Variants in DNAJC15 observed in about 807,000 individuals in gnomAD.
The protein encoded by DNAJC15 is DnaJ heat shock protein family (Hsp40) member C15.
A neutral mutation model predicts 22.4 loss-of-function variants in DNAJC15; 27 were observed. The observed-to-expected ratio is 1.20, with a 90% confidence interval of 0.89 to 1.66. The LOEUF is 1.66. Among genes scored for constraint, DNAJC15 ranks in the 40% most tolerant of loss-of-function variants. The probability of loss-of-function intolerance (pLI) is 0.00; values close to 1 mark genes in which losing one functional copy is unlikely to be tolerated. For synonymous variants in DNAJC15, 79 were observed against 63.2 expected (o/e 1.25, Z -1.19); for missense variants, 208 against 187.1 (o/e 1.11, Z -0.65).
intron 5 of DNAJC15, among the ~76,000 whole-genome samples, chr13:43,096,179 A>G (rs950254713): frequency 1.3e-5 from 2 of 152,204 alleles, no homozygotes; most frequent in Admixed American, 6.5e-5. Context: ...TAACTGTGGG[A>G]CAGAGATTTG....
chr13:43,060,895 A>T (rs2040555591), intron 1 of DNAJC15, among the ~76,000 whole-genome samples: 1 of 152,194 alleles, frequency 6.6e-6, no homozygotes, highest in Admixed American at 6.5e-5. Flanking sequence ...ACCCAGTGAA[A>T]GTGTCTACCC....
chr13:43,079,710 A>T (rs2040652896), intron 4 of DNAJC15, among the ~76,000 whole-genome samples: 1 of 152,216 alleles, frequency 6.6e-6, no homozygotes, highest in Admixed American at 6.5e-5. Context: ...ATCTGAGTAT[A>T]AAACATTATA....
chr13:43,098,283 T>G (rs1273925033), intron 5 of DNAJC15, among the ~76,000 whole-genome samples: 2 of 152,182 alleles, frequency 1.3e-5, no homozygotes, highest in Non-Finnish European at 2.9e-5. Context: ...TATTGAGGCT[T>G]TCTGGAAGTT....
chr13:43,099,488 G>A (rs1030185356), intron 5 of DNAJC15, among the ~76,000 whole-genome samples: 5 of 152,104 alleles, frequency 3.3e-5, no homozygotes, highest in African/African-American at 9.7e-5. Context: ...TCCAGTCTTC[G>A]CTCATTCAAT....
At chr13:43,040,240 A>G (rs142211167) in intron 1 of DNAJC15, among the ~76,000 whole-genome samples, 3 of 152,338 alleles carry the variant, frequency 2.0e-5, no homozygotes, top group Admixed American at 2.0e-4. Context: ...AGACCCACAA[A>G]GCAAAGATAT....
chr13:43,063,822 TAAAC>T (rs1179437950), intron 1 of DNAJC15, among the ~76,000 whole-genome samples: 1 of 152,124 alleles, frequency 6.6e-6, no homozygotes, highest in Non-Finnish European at 1.5e-5. Context: ...GATGAAAGAA[TAAAC>T]AAAATTATAA....
chr13:43,066,854 C>T (rs1444235634), intron 2 of DNAJC15, among the ~76,000 whole-genome samples: 2 of 152,108 alleles, frequency 1.3e-5, no homozygotes, highest in Non-Finnish European at 2.9e-5. Context: ...CGCCTGACCT[C>T]GTGATCCACC....
At chr13:43,064,133 T>C (rs2040572159) in intron 1 of DNAJC15, among the ~76,000 whole-genome samples, 1 of 152,172 alleles carries the variant, frequency 6.6e-6, no homozygotes, top group Admixed American at 6.5e-5. Flanking sequence ...GTCATTGCCT[T>C]GTGAAAAGGT....
In DNAJC15 at chr13:43,048,194, C is replaced by G. The variant is rs1343020320; in HGVS notation, c.109-17492C>G. On this transcript the variant is annotated intron_variant, in intron 1 of 5. Transcript: ENST00000379221. ...ACTCTAAAGTAATGAATTTTAAAAA[C>G]TTAGGCCGGGTGCATTGGCTTACGC... 2.6e-5 allele frequency among the ~76,000 whole-genome samples: 4 copies of G among 152,152 alleles called. No homozygotes were observed. In the East Asian group the frequency reaches 5.8e-4, roughly 22 times the overall value.
rs2040791874 is a variant in DNAJC15, at chr13:43,105,451, G to A, written c.383-1727G>A. ...CCAACTATTTAGAGGTAGAATGAGG[G>A]TCAAAAGAACCAGTCCAAAATGTCT... On this transcript the variant is annotated intron_variant, in intron 5 of 5. Transcript: ENST00000379221. Among the ~76,000 whole-genome samples the A allele has an allele frequency of 4.6e-5, 7 of 152,250 alleles. No homozygotes were observed. The South Asian group carries it at 1.5e-3, about 32-fold the overall frequency.
intron 1 of DNAJC15, among the ~76,000 whole-genome samples, chr13:43,063,891 A>G (rs747262027): frequency 3.5e-4 from 54 of 152,230 alleles, no homozygotes; most frequent in Non-Finnish European, 2.5e-4. Context: ...TTGGACTAAC[A>G]CCAGAAAGCT....
intron 5 of DNAJC15, among the ~76,000 whole-genome samples, chr13:43,087,345 A>G (rs567442517): frequency 6.6e-6 from 1 of 152,168 alleles, no homozygotes; most frequent in Non-Finnish European, 1.5e-5. Flanking sequence ...TGCTCTAGTA[A>G]AAGTGTAGTG....
intron 5 of DNAJC15, among the ~76,000 whole-genome samples, chr13:43,093,327 G>A (rs1471280695): frequency 3.9e-5 from 6 of 152,054 alleles, no homozygotes; most frequent in African/African-American, 1.2e-4. Context: ...GTCTCAGACC[G>A]AAAAAGACTT....
chr13:43,085,854 A>C lies in DNAJC15; in HGVS notation c.382+16A>C. 6.3e-7 allele frequency: 1 copy of C among 1,598,896 alleles called. No individual in the cohort carries two copies. The highest frequency in any genetic ancestry group is 8.6e-7 in the Non-Finnish European group (1 of 1,167,594). On this transcript the variant is annotated intron_variant, in intron 5 of 5. Transcript: ENST00000379221. ...CCAGATAAAGGTAGGTAGAATTCCTATTTTTCATAATATGTATATCAAAAT... is the reference window on the plus strand; with the variant it reads ...CCAGATAAAGGTAGGTAGAATTCCTCTTTTTCATAATATGTATATCAAAAT...
chr13:43,085,175 A>G (rs2153441577), intron 4 of DNAJC15, among the ~76,000 whole-genome samples: 1 of 152,286 alleles, frequency 6.6e-6, no homozygotes, highest in South Asian at 2.1e-4. Flanking sequence ...CAGCCTGGAC[A>G]ACATGATGAA....
chr13:43,048,451 C>T (rs2040487815), intron 1 of DNAJC15, among the ~76,000 whole-genome samples: 2 of 152,232 alleles, frequency 1.3e-5, no homozygotes, highest in African/African-American at 4.8e-5. Flanking sequence ...GAGATTGCGC[C>T]ATTGCGCTCT....
chr13:43,044,727 T>C (rs1485065986), intron 1 of DNAJC15, among the ~76,000 whole-genome samples: 3 of 152,104 alleles, frequency 2.0e-5, no homozygotes, highest in Non-Finnish European at 1.5e-5. Flanking sequence ...GTCCATTATA[T>C]TTTCTCATTT....
chr13:43,091,383 T>C (rs1373312314), intron 5 of DNAJC15, among the ~76,000 whole-genome samples: 1 of 152,234 alleles, frequency 6.6e-6, no homozygotes, highest in Non-Finnish European at 1.5e-5. Flanking sequence ...CCACTGCGCC[T>C]GGCCAATTCA....
intron 3 of DNAJC15, among the ~76,000 whole-genome samples, chr13:43,078,164 C>G (rs955573996): frequency 1.3e-5 from 2 of 152,160 alleles, no homozygotes; most frequent in Non-Finnish European, 2.9e-5. Flanking sequence ...GCTTCCCAGC[C>G]TCTCTTGGCT....
Sources: allele counts gnomAD v4.1 joint callset (sites outside exome capture counted in the v4.1 genomes callset), GRCh38; gene constraint gnomAD v4.1.1; transcripts MANE v1.5; gene names NCBI Gene and HGNC (gene_info 2026-07-23, HGNC 2026-07-21).